HIP1: variants seen among roughly 807,000 people sequenced by gnomAD.
The protein encoded by HIP1 is huntingtin-interacting protein 1.
A neutral mutation model predicts 147.6 loss-of-function variants in HIP1; 65 were observed. The ratio of observed to expected loss-of-function variants is 0.44; its 90% CI spans 0.36 to 0.54. The LOEUF is 0.54. Ranked by LOEUF, HIP1 falls within the 20% of genes least tolerant of loss-of-function variation. The pLI, the probability that HIP1 is intolerant of heterozygous loss-of-function variation, is 0.00. For missense variants in HIP1, 1,061 were observed against 1,299.6 expected, an observed-to-expected ratio of 0.82 and a Z score of 2.82; for synonymous variants, 479 against 504.0, an observed-to-expected ratio of 0.95 and a Z score of 0.67.
chr7:75,541,206 C>G (rs1169739853), intron 29 of HIP1, among the ~76,000 whole-genome samples: 3 of 151,930 alleles, frequency 2.0e-5, no homozygotes, highest in African/African-American at 7.2e-5. Flanking sequence ...ACCAGCCTGG[C>G]CAGCATGGTG....
chr7:75,597,672 G>A (rs1372988737), intron 2 of HIP1, among the ~76,000 whole-genome samples: 1 of 145,172 alleles, frequency 6.9e-6, no homozygotes, highest in South Asian at 2.2e-4. Context: ...CCTGGAAGGC[G>A]GAGGTTGCGG....
intron 1 of HIP1, among the ~76,000 whole-genome samples, chr7:75,708,491 A>G (rs1249825968): frequency 6.6e-6 from 1 of 152,102 alleles, no homozygotes; most frequent in Non-Finnish European, 1.5e-5. Context: ...TAGGTCTTAC[A>G]TTTAGGTCAT....
At chr7:75,598,169 C>T (rs1424755214) in intron 2 of HIP1, among the ~76,000 whole-genome samples, 1 of 152,062 alleles carries the variant, frequency 6.6e-6, no homozygotes, top group Non-Finnish European at 1.5e-5. Flanking sequence ...GATCTCAGCA[C>T]TTTAGGAGGC....
At chr7:75,723,733 A>T (rs1300649861) in intron 1 of HIP1, among the ~76,000 whole-genome samples, 15 of 152,074 alleles carry the variant, frequency 9.9e-5, no homozygotes, top group Admixed American at 9.2e-4. Context: ...TTAAGGATCT[A>T]TGTGATTAGA....
Position 75,581,493 on chromosome 7 carries a change from G to A in HIP1, c.543-195C>T, listed in dbSNP as rs111856545. 8.2e-4 allele frequency among the ~76,000 whole-genome samples: 125 copies of A among 152,260 alleles called. 1 individual carries two copies. The highest frequency in any genetic ancestry group is 2.7e-3 in the African/African-American group (114 of 41,556). On this transcript the variant is annotated intron_variant, in intron 6 of 30. Transcript: ENST00000336926. ...GCCTGGTGAAGTCAACAGTGACAGC[G>A]ACAGGTCGGGGGCGGTGGCTCACGC...
intron 27 of HIP1, 129 bp downstream of exon 27, chr7:75,544,566 C>T (rs1554490558): frequency 5.8e-6 from 4 of 690,884 alleles, no homozygotes; most frequent in Non-Finnish European, 1.1e-5. Flanking sequence ...TAGCCAAGTG[C>T]CATCTAACCT....
intron 5 of HIP1, among the ~76,000 whole-genome samples, chr7:75,586,238 C>T (rs1796273859): frequency 6.6e-6 from 1 of 151,114 alleles, no homozygotes; most frequent in African/African-American, 2.4e-5. Context: ...ATTTTGTCTC[C>T]CAGGCTGGAG....
intron 1 of HIP1, among the ~76,000 whole-genome samples, chr7:75,640,667 C>T (rs1462370790): frequency 1.3e-5 from 2 of 151,794 alleles, no homozygotes; most frequent in Admixed American, 1.3e-4. Flanking sequence ...GCAGGAGAAT[C>T]GCTTGAACCT....
chr7:75,682,360 G>A (rs886089996), intron 1 of HIP1, among the ~76,000 whole-genome samples: 1 of 151,604 alleles, frequency 6.6e-6, no homozygotes, highest in Non-Finnish European at 1.5e-5. Context: ...GGGCTCAAGC[G>A]ATCCTCCCGC....
chr7:75,680,521 A>AT (rs1239651460), intron 1 of HIP1, among the ~76,000 whole-genome samples: 8 of 152,196 alleles, frequency 5.3e-5, no homozygotes, highest in East Asian at 1.9e-4. Context: ...TGCCAGAAAG[A>AT]TTTTTTATTA....
At chr7:75,595,201 T>C (rs1196885565) in intron 2 of HIP1, among the ~76,000 whole-genome samples, 1 of 56,988 alleles carries the variant, frequency 1.8e-5, no homozygotes, top group African/African-American at 8.3e-5. Context: ...TCTTTCTTTC[T>C]TTCTTTCTTT....
At chr7:75,619,502 C>G (rs1405013896) in intron 1 of HIP1, among the ~76,000 whole-genome samples, 1 of 121,656 alleles carries the variant, frequency 8.2e-6, no homozygotes, top group African/African-American at 3.5e-5. Context: ...GGCGACAGAG[C>G]AAGACTTTGT....
chr7:75,557,669 G>A lies in HIP1; in HGVS notation c.1566C>T (p.Asp522=). 2 of 1,613,442 alleles carry A rather than the reference G, an allele frequency of 1.2e-6. No homozygotes were observed. The highest frequency in any genetic ancestry group is 1.1e-5 in the South Asian group (1 of 91,074). The part of the protein sequence containing the change: ...ELEDSLERIS[D]QGQRKTQEQL... ...TCCCACTCACCTTCCGCTGGCCCTG[G>A]TCACTGATGCGCTCCAACGAATCCT... The change falls in exon 16 of 31, where the codon GAC becomes GAT. Residue 522 remains aspartate, a synonymous_variant. Transcript: ENST00000336926.
intron 18 of HIP1, 48 bp downstream of exon 18, chr7:75,555,978 T>G (rs1433151187): frequency 1.2e-6 from 2 of 1,605,466 alleles, no homozygotes; most frequent in East Asian, 4.5e-5. Context: ...GCAGAGGCCC[T>G]CGGTGGGAAT....
rs113160173 is a variant in HIP1 at position 75,723,949 on chromosome 7, TAGAG to T, written c.120+14848_120+14851del. On this transcript the variant is annotated intron_variant, in intron 1 of 30. Coordinates refer to ENST00000336926, the MANE Select transcript of HIP1 (RefSeq NM_005338.7). ...ATTATTATTATCATTTATATATATA[TAGAG>T]AGAGAGAGAGAGAGAGAAAGAGAGA... 1.1e-4 allele frequency among the ~76,000 whole-genome samples: 15 copies of T among 141,358 alleles called. 1 individual carries two copies. The highest frequency in any genetic ancestry group is 4.0e-4 in the East Asian group (2 of 4,958). The allele number at this position is 141,358 out of a possible 152,430, so 92.7% of individuals were successfully genotyped here.
At chr7:75,634,802 T>C (rs1178729441) in intron 1 of HIP1, among the ~76,000 whole-genome samples, 2 of 151,960 alleles carry the variant, frequency 1.3e-5, no homozygotes, top group African/African-American at 4.8e-5. Flanking sequence ...TAGCCTCGCT[T>C]GGTGGCTCAT....
chr7:75,652,668 T>C (rs1234294669), intron 1 of HIP1, among the ~76,000 whole-genome samples: 1 of 151,956 alleles, frequency 6.6e-6, no homozygotes, highest in Non-Finnish European at 1.5e-5. Context: ...CCCAGCCACA[T>C]GTTAATTATT....
At chr7:75,637,404 T>G (rs1798459084) in intron 1 of HIP1, among the ~76,000 whole-genome samples, 1 of 151,552 alleles carries the variant, frequency 6.6e-6, no homozygotes, top group Non-Finnish European at 1.5e-5. Context: ...TAAAGTAGAG[T>G]TTCGAAGCTT....
chr7:75,540,275 C>T (rs898287418), intron 29 of HIP1, among the ~76,000 whole-genome samples: 24 of 151,690 alleles, frequency 1.6e-4, no homozygotes, highest in African/African-American at 5.3e-4. Flanking sequence ...TAAAAATATA[C>T]AAAATTAGCC....
Sources: allele counts gnomAD v4.1 joint callset (sites outside exome capture counted in the v4.1 genomes callset), GRCh38; gene constraint gnomAD v4.1.1; transcripts MANE v1.5; gene names NCBI Gene and HGNC (gene_info 2026-07-23, HGNC 2026-07-21).